Variants in STK4 observed in about 807,000 individuals in gnomAD.
STK4 encodes the protein serine/threonine-protein kinase 4.
Under a neutral mutation model 64.9 loss-of-function variants are expected in STK4, and 30 were observed. That is an observed-to-expected ratio of 0.46 (90% CI 0.35 to 0.63). STK4 has a LOEUF of 0.63. STK4 is among the 20% of genes least tolerant of loss of function. STK4 has a pLI of 0.01. For missense variants in STK4, 466 were observed against 598.5 expected, an observed-to-expected ratio of 0.78 and a Z score of 2.31; for synonymous variants, 177 against 199.0, an observed-to-expected ratio of 0.89 and a Z score of 0.93.
At chr20:45,027,048 C>T (rs1164729377) in intron 10 of STK4, among the ~76,000 whole-genome samples, 1 of 152,232 alleles carries the variant, frequency 6.6e-6, no homozygotes, top group Non-Finnish European at 1.5e-5. Context: ...GGTACCAAAT[C>T]ACATCATTAT....
At position 44,981,871 on chromosome 20, in the gene STK4, A is replaced by G. The variant is rs1236915263; in HGVS notation, c.288A>G (p.Thr96=). 5 of 1,613,860 alleles carry G rather than the reference A, an allele frequency of 3.1e-6. No homozygotes were observed. The highest frequency in any genetic ancestry group is 4.2e-6 in the Non-Finnish European group (5 of 1,179,898). ...VKYYGSYFKN[T]DLWIVMEYCG... is the part of the protein sequence containing the mutation. Reference sequence around the variant, plus strand: ...ATTATGGCAGTTATTTTAAGAACACAGACTTATGGATCGTTATGGAGTACT... The same window carrying G: ...ATTATGGCAGTTATTTTAAGAACACGGACTTATGGATCGTTATGGAGTACT... Residue 96 remains threonine, a synonymous_variant, in exon 4 of 11, where the codon ACA becomes ACG. Coordinates refer to ENST00000372806, the MANE Select transcript of STK4 (RefSeq NM_006282.5).
intron 6 of STK4, among the ~76,000 whole-genome samples, chr20:44,996,457 A>G (rs929445307): frequency 6.6e-6 from 1 of 152,168 alleles, no homozygotes; most frequent in African/African-American, 2.4e-5. Flanking sequence ...TCATGTTCCC[A>G]AGGTAAGTCC....
At chr20:44,986,875 T>C (rs1459838247) in intron 4 of STK4, among the ~76,000 whole-genome samples, 1 of 152,098 alleles carries the variant, frequency 6.6e-6, no homozygotes, top group African/African-American at 2.4e-5. Context: ...GACATAGAGT[T>C]TGATTTTGAC....
chr20:45,066,638 T>C (rs1979599727), intron 10 of STK4, among the ~76,000 whole-genome samples: 1 of 152,230 alleles, frequency 6.6e-6, no homozygotes, highest in South Asian at 2.1e-4. Context: ...GGTCAAGTTC[T>C]CTTTGTTTGG....
intron 9 of STK4, among the ~76,000 whole-genome samples, chr20:45,001,583 T>G (rs1366833566): frequency 6.6e-6 from 1 of 152,218 alleles, no homozygotes; most frequent in Non-Finnish European, 1.5e-5. Flanking sequence ...ATTTTGCTTT[T>G]GAACCAGAGC....
At chr20:45,060,456 A>T (rs6073616) in intron 10 of STK4, among the ~76,000 whole-genome samples, 37,368 of 151,496 alleles carry the variant, frequency 0.25, 5,413 homozygotes, top group Middle Eastern at 0.42. Flanking sequence ...GACGAGATAA[A>T]GTTTTTTTTC....
chr20:45,022,827 A>G lies in STK4; in HGVS notation c.1148-2146A>G, dbSNP rs6017470. Reference sequence around the variant, plus strand: ...CTGTTATTTCTGTCCAGAAGTCGCCATTTTTATTGATGAACTCAATTTAGT... The same window carrying G: ...CTGTTATTTCTGTCCAGAAGTCGCCGTTTTTATTGATGAACTCAATTTAGT... On this transcript the variant is annotated intron_variant, in intron 9 of 10. Transcript: ENST00000372806. Among the ~76,000 whole-genome samples, 1,254 of 152,320 alleles carry G rather than the reference A, an allele frequency of 8.2e-3. 17 individuals carry two copies. The highest frequency in any genetic ancestry group is 0.028 in the African/African-American group (1,184 of 41,578).
At chr20:44,996,636 T>A (rs2067735772) in intron 6 of STK4, among the ~76,000 whole-genome samples, 1 of 152,236 alleles carries the variant, frequency 6.6e-6, no homozygotes, top group Admixed American at 6.5e-5. Context: ...CATAGTAGAA[T>A]GTAACTGCAA....
At chr20:45,011,729 A>ATATATATATATATATAT (rs60170856) in intron 9 of STK4, among the ~76,000 whole-genome samples, 21 of 115,386 alleles carry the variant, frequency 1.8e-4, no homozygotes, top group African/African-American at 7.6e-4. Context: ...ATATATATAT[A>ATATATATATATATATAT]TTTTTTTTTT....
At chr20:45,069,085 A>T (rs1319413410) in intron 10 of STK4, among the ~76,000 whole-genome samples, 1 of 152,228 alleles carries the variant, frequency 6.6e-6, no homozygotes, top group African/African-American at 2.4e-5. Context: ...GGCGATGGTG[A>T]GGGAATTCTA....
chr20:44,998,121 G>T (rs1225416952), intron 7 of STK4, among the ~76,000 whole-genome samples: 1 of 152,148 alleles, frequency 6.6e-6, no homozygotes, highest in Non-Finnish European at 1.5e-5. Context: ...GTGGGAGAAG[G>T]CCTCTTTGGA....
chr20:45,056,984 G>A (rs1174799100), intron 10 of STK4, among the ~76,000 whole-genome samples: 1 of 152,248 alleles, frequency 6.6e-6, no homozygotes, highest in Non-Finnish European at 1.5e-5. Flanking sequence ...CTGGAGTGCT[G>A]GCAGAGAGCA....
At chr20:44,966,699 C>G in intron 1 of STK4, 96 bp downstream of exon 1, 1 of 1,231,386 alleles carries the variant, frequency 8.1e-7, no homozygotes, top group Non-Finnish European at 1.0e-6. Flanking sequence ...GTCCCCGGAG[C>G]TAAGCGACCC....
intron 10 of STK4, among the ~76,000 whole-genome samples, chr20:45,072,503 C>G (rs1398748099): frequency 6.6e-6 from 1 of 152,090 alleles, no homozygotes; most frequent in Non-Finnish European, 1.5e-5. Flanking sequence ...GTGTTTATTG[C>G]TATTTTCCTT....
rs1318580651 is a variant in STK4 at position 44,995,087 on chromosome 20, T to C, written c.526-3T>C. ...TGTCAGTCTCTCTCCCTTTCTATTT[T>C]AGGATACCATGGCCAAGCGGAATAC... On this transcript the variant is annotated splice_polypyrimidine_tract_variant and splice_region_variant and intron_variant, in intron 5 of 10. Transcript: ENST00000372806. 1 of 1,590,662 alleles carries C rather than the reference T, an allele frequency of 6.3e-7. No individual in the cohort carries two copies. The highest frequency in any genetic ancestry group is 1.2e-5 in the South Asian group (1 of 86,896).
intron 2 of STK4, among the ~76,000 whole-genome samples, chr20:44,977,719 C>T (rs2067364316): frequency 1.3e-5 from 2 of 152,162 alleles, no homozygotes; most frequent in Non-Finnish European, 2.9e-5. Context: ...TGACTAGATA[C>T]ACAAACTTTA....
chr20:45,029,934 A>G (rs765431758), intron 10 of STK4, among the ~76,000 whole-genome samples: 2 of 152,156 alleles, frequency 1.3e-5, no homozygotes, highest in African/African-American at 4.8e-5. Flanking sequence ...TGAGTCTCCT[A>G]TACTCTTACT....
At chr20:45,031,572 A>T (rs2145399754) in intron 10 of STK4, among the ~76,000 whole-genome samples, 1 of 152,276 alleles carries the variant, frequency 6.6e-6, no homozygotes, top group Non-Finnish European at 1.5e-5. Context: ...TACACTAGGC[A>T]AATACTCACT....
chr20:45,039,603 G>A (rs937556386), intron 10 of STK4, among the ~76,000 whole-genome samples: 3 of 152,194 alleles, frequency 2.0e-5, no homozygotes, highest in Non-Finnish European at 4.4e-5. Context: ...AAAGCAGCTG[G>A]TTGAGCTTGC....
Sources: gnomAD v4.1 joint callset for allele counts (sites outside exome capture counted in the v4.1 genomes callset) on GRCh38, gnomAD v4.1.1 for gene constraint, MANE v1.5 for transcripts, NCBI Gene and HGNC (gene_info 2026-07-23, HGNC 2026-07-21) for gene names.